TBC1D22A: variants seen among roughly 807,000 people sequenced by gnomAD.
The protein encoded by TBC1D22A is putative GTPase activator.
TBC1D22A carries 38 observed loss-of-function variants against 60.2 expected under a neutral mutation model. That is an observed-to-expected ratio of 0.63 (90% CI 0.49 to 0.83). The LOEUF (loss-of-function observed/expected upper bound fraction) is 0.83, where lower values mean the gene tolerates loss of function less well. TBC1D22A is among the 40% of genes least tolerant of loss of function. The pLI is 0.00. For synonymous variants in TBC1D22A, 302 were observed against 281.7 expected (o/e 1.07, Z -0.72); for missense variants, 628 against 701.0 (o/e 0.90, Z 1.18).
At chr22:46,812,487 C>A (rs2085421193) in intron 4 of TBC1D22A, among the ~76,000 whole-genome samples, 1 of 152,212 alleles carries the variant, frequency 6.6e-6, no homozygotes, top group Admixed American at 6.5e-5. Context: ...ACGGGTTGGT[C>A]ACACTGTGGG....
chr22:47,122,204 G>A (rs942083267), intron 12 of TBC1D22A, among the ~76,000 whole-genome samples: 4 of 152,186 alleles, frequency 2.6e-5, no homozygotes, highest in Non-Finnish European at 5.9e-5. Context: ...AGAGAGAGGT[G>A]GGTGGACTCT....
intron 5 of TBC1D22A, among the ~76,000 whole-genome samples, chr22:46,882,264 C>A (rs956628701): frequency 6.6e-6 from 1 of 152,164 alleles, no homozygotes; most frequent in Non-Finnish European, 1.5e-5. Context: ...GCCTACCCTG[C>A]GGCTAGGCAG....
At chr22:46,879,583 G>A (rs368417178) in intron 5 of TBC1D22A, among the ~76,000 whole-genome samples, 4 of 152,284 alleles carry the variant, frequency 2.6e-5, no homozygotes, top group East Asian at 1.9e-4. Context: ...TCTGAACAGC[G>A]AATATTTATT....
chr22:47,048,910 T>C (rs1025616452), intron 11 of TBC1D22A, among the ~76,000 whole-genome samples: 1 of 152,246 alleles, frequency 6.6e-6, no homozygotes, highest in Non-Finnish European at 1.5e-5. Flanking sequence ...TAGGTTCCTC[T>C]TTTAAGGTCT....
At chr22:47,091,922 A>G (rs2064992335) in intron 11 of TBC1D22A, among the ~76,000 whole-genome samples, 1 of 152,200 alleles carries the variant, frequency 6.6e-6, no homozygotes, top group African/African-American at 2.4e-5. Context: ...TGATATGGTG[A>G]TATGCACTCA....
intron 12 of TBC1D22A, among the ~76,000 whole-genome samples, chr22:47,172,054 A>AGCCTACCCAGCACTCCCAGTGT (rs1569482620): frequency 2.5e-5 from 3 of 119,476 alleles, no homozygotes; most frequent in African/African-American, 6.1e-5. Context: ...ACTCCCAGTG[A>AGCCTACCCAGCACTCCCAGTGT]GCCTACCCAG....
At chr22:46,763,224 GA>G (rs1291711261) in intron 1 of TBC1D22A, 1 of 232,160 alleles carries the variant, frequency 4.3e-6, no homozygotes, top group East Asian at 9.6e-5. Flanking sequence ...CTGCTGGGTG[GA>G]TCAGTTTCTG....
intron 10 of TBC1D22A, among the ~76,000 whole-genome samples, chr22:47,006,493 C>T (rs561149457): frequency 2.6e-5 from 4 of 152,252 alleles, no homozygotes; most frequent in South Asian, 4.2e-4. Flanking sequence ...GCGGTGACCC[C>T]GGGTGGTGAG....
intron 10 of TBC1D22A, among the ~76,000 whole-genome samples, chr22:47,024,839 A>G (rs1979722225): frequency 6.6e-6 from 1 of 152,094 alleles, no homozygotes; most frequent in Admixed American, 6.5e-5. Flanking sequence ...ACAGAGCAAC[A>G]CCCTGTCCCC....
chr22:47,144,306 C>T (rs1195297816), intron 12 of TBC1D22A, among the ~76,000 whole-genome samples: 2 of 152,214 alleles, frequency 1.3e-5, no homozygotes, highest in Non-Finnish European at 2.9e-5. Flanking sequence ...TCCAGAGCTC[C>T]TCTCTCCCAG....
At chr22:47,062,470 G>C (rs773524096) in intron 11 of TBC1D22A, among the ~76,000 whole-genome samples, 1 of 152,186 alleles carries the variant, frequency 6.6e-6, no homozygotes, top group Non-Finnish European at 1.5e-5. Context: ...CTGAACCAAT[G>C]TCCGTGTGTT....
At chr22:46,897,650 G>GTTTTTTTTTTTTTTTTTT (rs1569189591) in intron 7 of TBC1D22A, among the ~76,000 whole-genome samples, 1 of 92,618 alleles carries the variant, frequency 1.1e-5, no homozygotes, top group African/African-American at 4.7e-5. Context: ...GTTTTTTTTT[G>GTTTTTTTTTTTTTTTTTT]TGTTTTTTTT....
Position 47,009,528 on chromosome 22 carries a change from A to G in TBC1D22A, c.1201+11819A>G, listed in dbSNP as rs890983142. 2.0e-5 allele frequency among the ~76,000 whole-genome samples: 3 copies of G among 150,718 alleles called. No homozygotes were observed. Among genetic ancestry groups the G allele is most frequent in the Non-Finnish European group, 3.0e-5 (2 of 67,762 alleles). ...CACCACCATCATCTTCACCATCACC[A>G]TCATCATCATTGCCATCATCACCAT... On this transcript the variant is annotated intron_variant, in intron 10 of 12. Transcript: ENST00000337137. The surrounding 1 kb of genome is among the most constrained non-coding windows in gnomAD (Gnocchi z 5.8).
intron 12 of TBC1D22A, among the ~76,000 whole-genome samples, chr22:47,122,634 A>T (rs546325253): frequency 6.6e-6 from 1 of 152,212 alleles, no homozygotes; most frequent in South Asian, 2.1e-4. Flanking sequence ...GGGATCTTTG[A>T]TAAGGAGATA....
chr22:47,061,974 G>A (rs908444602), intron 11 of TBC1D22A, among the ~76,000 whole-genome samples: 1 of 151,520 alleles, frequency 6.6e-6, no homozygotes, highest in Non-Finnish European at 1.5e-5. Context: ...AGTGATCCCA[G>A]CTACTCCGGA....
intron 1 of TBC1D22A, among the ~76,000 whole-genome samples, chr22:46,765,045 TC>T (rs1476049926): frequency 6.6e-6 from 1 of 152,248 alleles, no homozygotes; most frequent in Non-Finnish European, 1.5e-5. Flanking sequence ...GCTTTCCTTT[TC>T]CTCTGACTTT....
chr22:46,786,635 G>A (rs1407535475), intron 1 of TBC1D22A, among the ~76,000 whole-genome samples: 2 of 152,136 alleles, frequency 1.3e-5, no homozygotes, highest in Non-Finnish European at 2.9e-5. Context: ...ATCCCTCTGG[G>A]CTTGGACTTT....
rs142709842 is a variant in TBC1D22A, at chr22:47,154,293, C to T, written c.1426-19205C>T. ...CTAGTGTCCTGGTATGGCCCTGCCA[C>T]GCGCTGAGTGAGTCTGAGCCATGAG... On this transcript the variant is annotated intron_variant, in intron 12 of 12. Transcript: ENST00000337137. 1.9e-3 allele frequency among the ~76,000 whole-genome samples: 286 copies of T among 152,320 alleles called. 2 individuals carry two copies. The highest frequency in any genetic ancestry group is 6.1e-3 in the African/African-American group (252 of 41,568).
chr22:46,799,158 G>A (rs756946662), intron 4 of TBC1D22A, among the ~76,000 whole-genome samples: 1 of 152,094 alleles, frequency 6.6e-6, no homozygotes, highest in Non-Finnish European at 1.5e-5. Context: ...AGCTCGAGGT[G>A]TCTCCTTCCA....
Sources: gnomAD v4.1 joint callset for allele counts (sites outside exome capture counted in the v4.1 genomes callset) on GRCh38, gnomAD v4.1.1 for gene constraint, Gnocchi (gnomAD v3.1) non-coding constraint, MANE v1.5 for transcripts, NCBI Gene and HGNC (gene_info 2026-07-23, HGNC 2026-07-21) for gene names.